The following MFHAS1 variants were observed in gnomAD, a reference collection of about 807,000 sequenced individuals.
MFHAS1 encodes the protein multifunctional ROCO family signaling regulator 1.
MFHAS1 carries 50 observed loss-of-function variants against 70.4 expected under a neutral mutation model. That is an observed-to-expected ratio of 0.71 (90% CI 0.57 to 0.90). The LOEUF is 0.90. MFHAS1 is among the 40% of genes least tolerant of loss of function. MFHAS1 has a pLI of 0.00. For missense variants in MFHAS1, 1,795 were observed against 1,347.6 expected (o/e 1.33, Z -5.20); for synonymous variants, 952 against 620.0 (o/e 1.54, Z -7.96).
chr8:8,812,561 T>G (rs1806588203), intron 1 of MFHAS1, among the ~76,000 whole-genome samples: 1 of 152,176 alleles, frequency 6.6e-6, no homozygotes. Context: ...TGCCTGATGC[T>G]CATGGTCTTG....
intron 1 of MFHAS1, among the ~76,000 whole-genome samples, chr8:8,872,445 G>T (rs771556528): frequency 6.6e-6 from 1 of 152,158 alleles, no homozygotes; most frequent in South Asian, 2.1e-4. Context: ...ACCTGGGGCC[G>T]GATGCATGGC....
chr8:8,803,420 G>A (rs1282997234), intron 1 of MFHAS1, among the ~76,000 whole-genome samples: 1 of 151,602 alleles, frequency 6.6e-6, no homozygotes, highest in African/African-American at 2.4e-5. Flanking sequence ...GGGAGGCTGA[G>A]GCAGAAGAAT....
chr8:8,892,848 C>A lies in MFHAS1; in HGVS notation c.211G>T (p.Gly71Trp). Residue 71 changes from glycine (G) to tryptophan (W), a missense_variant, in exon 1 of 3, where the codon GGG (glycine) becomes TGG (tryptophan). Transcript: ENST00000276282. The surrounding 1 kb of genome is among the most constrained non-coding windows in gnomAD (Gnocchi z 4.7). ...NLGDIEALNLGNNGLEEVPEG... is the reference protein window; with the variant it reads ...NLGDIEALNLWNNGLEEVPEG... Reference sequence around the variant, plus strand: ...GGTACCTCCTCCAGGCCGTTGTTCCCCAGGTTCAGTGCCTCAATGTCCCCG... The same window carrying A: ...GGTACCTCCTCCAGGCCGTTGTTCCACAGGTTCAGTGCCTCAATGTCCCCG... The A allele has an allele frequency of 6.3e-7, 1 of 1,597,636 alleles. No homozygotes were observed. Among genetic ancestry groups the A allele is most frequent in the East Asian group, 2.3e-5 (1 of 44,070 alleles).
At chr8:8,856,381 T>C (rs1393865429) in intron 1 of MFHAS1, among the ~76,000 whole-genome samples, 1 of 152,122 alleles carries the variant, frequency 6.6e-6, no homozygotes, top group Non-Finnish European at 1.5e-5. Flanking sequence ...TACTTCCCCG[T>C]ATTTCAAGAT....
chr8:8,892,298 C>T lies in MFHAS1; in HGVS notation c.761G>A (p.Ser254Asn), dbSNP rs1319434746. The T allele has an allele frequency of 1.2e-6, 2 of 1,612,344 alleles. No individual in the cohort carries two copies. The highest frequency in any genetic ancestry group is 1.1e-5 in the South Asian group (1 of 91,070). The part of the protein sequence containing the change: ...AGFCELASLE[S>N]LMLDNNGLQA... ...CAGCCCGTTGTTGTCTAGCATGAGG[C>T]TCTCCAAACTGGCCAGCTCGCAGAA... is the stretch of plus-strand genomic sequence containing the variant. The change falls in exon 1 of 3, where the codon AGC becomes AAC. Residue 254 changes from serine to asparagine, a missense_variant. By Grantham distance (46) the Ser-to-Asn change is conservative (BLOSUM62 1). Transcript: ENST00000276282. This position sits in a 1 kb window ranked among gnomAD's most constrained non-coding sequence, Gnocchi z 4.7.
intron 1 of MFHAS1, among the ~76,000 whole-genome samples, chr8:8,810,267 G>A (rs1258112278): frequency 6.6e-6 from 1 of 152,226 alleles, no homozygotes; most frequent in Admixed American, 6.5e-5. Context: ...TCAGGAGGCT[G>A]AGGCAGGAGA....
intron 1 of MFHAS1, among the ~76,000 whole-genome samples, chr8:8,810,381 C>T (rs1224685835): frequency 6.6e-6 from 1 of 152,088 alleles, no homozygotes; most frequent in African/African-American, 2.4e-5. Context: ...AACAAATGAT[C>T]AGAAGGCGTA....
intron 1 of MFHAS1, among the ~76,000 whole-genome samples, chr8:8,875,371 A>G (rs1159783231): frequency 1.3e-5 from 2 of 152,262 alleles, no homozygotes; most frequent in Non-Finnish European, 2.9e-5. Flanking sequence ...ATGTACTATT[A>G]TGCAAGCATT....
At chr8:8,862,386 A>AG (rs1273335516) in intron 1 of MFHAS1, among the ~76,000 whole-genome samples, 3 of 91,066 alleles carry the variant, frequency 3.3e-5, no homozygotes, top group Non-Finnish European at 6.1e-5. Flanking sequence ...CAGCTATAAG[A>AG]GGTTTTTTTT....
intron 1 of MFHAS1, among the ~76,000 whole-genome samples, chr8:8,807,034 T>C (rs1157518528): frequency 6.6e-6 from 1 of 152,000 alleles, no homozygotes; most frequent in African/African-American, 2.4e-5. Context: ...TTTATGATGT[T>C]GGGGGTATAG....
intron 1 of MFHAS1, among the ~76,000 whole-genome samples, chr8:8,803,518 A>C (rs867657654): frequency 1.1e-3 from 48 of 43,052 alleles, no homozygotes; most frequent in South Asian, 6.0e-3. Context: ...CCCTGTCTCA[A>C]AAAAAAAAAA....
At chr8:8,789,925 T>C (rs950798802) in intron 2 of MFHAS1, among the ~76,000 whole-genome samples, 9 of 152,160 alleles carry the variant, frequency 5.9e-5, no homozygotes, top group Middle Eastern at 3.4e-3. Context: ...CTACCCGGCC[T>C]TGCCCGTTCC....
At chr8:8,832,681 T>G (rs1267688501) in intron 1 of MFHAS1, among the ~76,000 whole-genome samples, 1 of 140,682 alleles carries the variant, frequency 7.1e-6, no homozygotes, top group Non-Finnish European at 1.5e-5. Context: ...CAGGCTGGAG[T>G]GTGGTGGCTC....
At chr8:8,790,557 A>T (rs1053965740) in intron 2 of MFHAS1, 1 of 173,678 alleles carries the variant, frequency 5.8e-6, no homozygotes, top group African/African-American at 2.4e-5. Context: ...CTCCTTGCAT[A>T]GAACAAAACA....
chr8:8,874,321 T>C (rs1474661074), intron 1 of MFHAS1, among the ~76,000 whole-genome samples: 1 of 141,298 alleles, frequency 7.1e-6, no homozygotes. Context: ...TAGGATATAC[T>C]ATAACATTCT....
intron 1 of MFHAS1, among the ~76,000 whole-genome samples, chr8:8,854,676 CTT>C (rs1380094046): frequency 9.3e-6 from 1 of 107,736 alleles, no homozygotes; most frequent in Non-Finnish European, 1.8e-5. Flanking sequence ...CAGAGGGGGA[CTT>C]TGTCTCAAAA....
intron 1 of MFHAS1, among the ~76,000 whole-genome samples, chr8:8,811,692 C>T (rs1385086466): frequency 6.6e-6 from 1 of 152,230 alleles, no homozygotes; most frequent in East Asian, 1.9e-4. Flanking sequence ...TCCTTACTCA[C>T]TGTGGGATCC....
In MFHAS1 at chr8:8,891,943, G is replaced by T; in HGVS notation, c.1116C>A (p.Ile372=). Residue 372 remains isoleucine, a synonymous_variant, in exon 1 of 3, where the codon ATC becomes ATA. Transcript: ENST00000276282. This position sits in a 1 kb window ranked among gnomAD's most constrained non-coding sequence, Gnocchi z 5.4. Reference sequence around the variant, plus strand: ...GGGGCTGGATCAGTGGGTTGTCTTTGATCTTCCACAAACCCACCCGGGAGA... The same window carrying T: ...GGGGCTGGATCAGTGGGTTGTCTTTTATCTTCCACAAACCCACCCGGGAGA... ...GQLSRVGLWK[I]KDNPLIQPPY... 6.2e-7 allele frequency: 1 copy of T among 1,611,630 alleles called. No homozygotes were observed. Among genetic ancestry groups the T allele is most frequent in the Non-Finnish European group, 8.5e-7 (1 of 1,178,786 alleles).
intron 1 of MFHAS1, among the ~76,000 whole-genome samples, chr8:8,882,953 G>C (rs971966697): frequency 6.6e-6 from 1 of 152,142 alleles, no homozygotes; most frequent in African/African-American, 2.4e-5. Flanking sequence ...AGGAGTTTGA[G>C]ACCAGCCTGG....
Sources: allele counts gnomAD v4.1 joint callset (sites outside exome capture counted in the v4.1 genomes callset), GRCh38; gene constraint gnomAD v4.1.1; non-coding constraint Gnocchi (gnomAD v3.1); transcripts MANE v1.5; gene names NCBI Gene and HGNC (gene_info 2026-07-23, HGNC 2026-07-21).